The following CKAP5 variants were observed in gnomAD, a reference collection of about 807,000 sequenced individuals.
CKAP5 encodes cytoskeleton associated protein 5, also known as cytoskeleton-associated protein 5.
A neutral mutation model predicts 232.8 loss-of-function variants in CKAP5; 27 were observed. The ratio of observed to expected loss-of-function variants is 0.12; its 90% CI spans 0.09 to 0.16. CKAP5 has a LOEUF of 0.16. Ranked by LOEUF, CKAP5 falls within the 10% of genes least tolerant of loss-of-function variation. CKAP5 has a pLI of 1.00. For missense variants in CKAP5, 1,838 were observed against 2,424.7 expected (o/e 0.76, Z 5.08); for synonymous variants, 785 against 841.1 (o/e 0.93, Z 1.16).
intron 15 of CKAP5, 131 bp downstream of exon 15, chr11:46,789,945 C>T: frequency 1.8e-6 from 1 of 569,668 alleles, no homozygotes; most frequent in Non-Finnish European, 3.2e-6. Flanking sequence ...AGTCCCACCT[C>T]ATCTTTAATG....
In CKAP5 at chr11:46,747,704, A is replaced by G. The variant is rs140583746; in HGVS notation, c.5704+2570T>C. Among the ~76,000 whole-genome samples the G allele has an allele frequency of 2.8e-3, 421 of 152,142 alleles. 2 individuals carry two copies. The highest frequency in any genetic ancestry group is 9.6e-3 in the African/African-American group (398 of 41,534). ...CAAAGCCATCTAAGGAAGAGCATTTATGTGTAAGAAATAGCCAGTGCAAAG... is the reference window on the plus strand; with the variant it reads ...CAAAGCCATCTAAGGAAGAGCATTTGTGTGTAAGAAATAGCCAGTGCAAAG... On this transcript the variant is annotated intron_variant, in intron 42 of 43. Transcript: ENST00000529230.
At chr11:46,823,586 A>C (rs1939591721) in intron 1 of CKAP5, among the ~76,000 whole-genome samples, 1 of 151,950 alleles carries the variant, frequency 6.6e-6, no homozygotes. Flanking sequence ...AATTGTTTCC[A>C]ATTTTTCTTT....
In CKAP5 at chr11:46,788,777, G is replaced by T; in HGVS notation, c.1876-4C>A. On this transcript the variant is annotated splice_polypyrimidine_tract_variant and splice_region_variant and intron_variant, in intron 15 of 43. Coordinates refer to ENST00000529230, the MANE Select transcript of CKAP5 (RefSeq NM_001008938.4). The stretch of plus-strand genomic sequence containing the variant: ...TTCGGTCCATTAGCTCAACAGCCTT[G>T]AAGTAAAATAAGAGAATAAGAGTTT... The T allele has an allele frequency of 6.3e-7, 1 of 1,593,490 alleles. No homozygotes were observed. Among genetic ancestry groups the T allele is most frequent in the Non-Finnish European group, 8.6e-7 (1 of 1,167,518 alleles).
chr11:46,814,314 A>C (rs900038369), intron 4 of CKAP5, among the ~76,000 whole-genome samples: 3 of 152,136 alleles, frequency 2.0e-5, no homozygotes, highest in African/African-American at 7.2e-5. Context: ...ACTATATTGT[A>C]ATAGGCTAGA....
rs116374141 is a variant in CKAP5 at position 46,755,885 on chromosome 11, C to T, written c.4690-818G>A. On this transcript the variant is annotated intron_variant, in intron 35 of 43. Transcript: ENST00000529230. ...CGGAGGATGCAGTGAACCGAGATCACGACACTGAACTCCAGCCTGGGTGAC... is the reference window on the plus strand; with the variant it reads ...CGGAGGATGCAGTGAACCGAGATCATGACACTGAACTCCAGCCTGGGTGAC... Among the ~76,000 whole-genome samples the T allele has an allele frequency of 5.5e-3, 837 of 152,156 alleles. 7 individuals carry two copies. Among genetic ancestry groups the T allele is most frequent in the African/African-American group, 0.019 (808 of 41,488 alleles).
intron 42 of CKAP5, among the ~76,000 whole-genome samples, chr11:46,747,342 C>T (rs1460604280): frequency 6.6e-6 from 1 of 152,070 alleles, no homozygotes; most frequent in Non-Finnish European, 1.5e-5. Flanking sequence ...CACAGTGGCT[C>T]ATGCCTGGGA....
rs2065004548 is a variant in CKAP5, at chr11:46,744,054, CT to C, written c.6067del (p.Arg2023AspfsTer5). The C allele has an allele frequency of 1.2e-6, 2 of 1,613,466 alleles. No individual in the cohort carries two copies. The highest frequency in any genetic ancestry group is 1.7e-6 in the Non-Finnish European group (2 of 1,179,990). On this transcript the variant is annotated frameshift_variant, in exon 44 of 44. Coordinates refer to ENST00000529230, the MANE Select transcript of CKAP5 (RefSeq NM_001008938.4). LOFTEE classifies it high-confidence loss of function. ...STANIDDLKK[R>X]LERIKSSRK ...GCGACTGCTCTTTATTCTCTCCAGT[CT>C]TTTTTTCAAGTCGTCTATGTTAGCT...
At chr11:46,805,011 A>C (rs1939121870) in intron 8 of CKAP5, among the ~76,000 whole-genome samples, 1 of 151,692 alleles carries the variant, frequency 6.6e-6, no homozygotes, top group Non-Finnish European at 1.5e-5. Flanking sequence ...TGAGGCAGGC[A>C]AATCACTTGA....
chr11:46,811,239 C>A, intron 4 of CKAP5, 61 bp from the exon 5 acceptor site: 1 of 1,349,558 alleles, frequency 7.4e-7, no homozygotes, highest in Non-Finnish European at 1.0e-6. Flanking sequence ...AAAGCATTAG[C>A]TTTTCTTCAT....
At chr11:46,822,948 T>C (rs1939574397) in intron 1 of CKAP5, among the ~76,000 whole-genome samples, 1 of 152,130 alleles carries the variant, frequency 6.6e-6, no homozygotes, top group Non-Finnish European at 1.5e-5. Context: ...ATCCTTTTAA[T>C]AACTTTATGC....
chr11:46,780,716 G>A (rs905710102), intron 18 of CKAP5, among the ~76,000 whole-genome samples: 7 of 152,168 alleles, frequency 4.6e-5, no homozygotes, highest in Non-Finnish European at 4.4e-5. Flanking sequence ...TCTGGTTCAA[G>A]CGATTCTCAT....
At chr11:46,821,948 A>C (rs1219375313) in intron 1 of CKAP5, among the ~76,000 whole-genome samples, 1 of 152,212 alleles carries the variant, frequency 6.6e-6, no homozygotes, top group East Asian at 1.9e-4. Flanking sequence ...CTGAGACAGG[A>C]GAATCGCTTG....
chr11:46,762,488 A>ATGAAGTC, intron 31 of CKAP5, 139 bp downstream of exon 31: 1 of 1,089,402 alleles, frequency 9.2e-7, no homozygotes. Context: ...TGTGCAACTC[A>ATGAAGTC]TCACTCTCAC....
intron 13 of CKAP5, among the ~76,000 whole-genome samples, chr11:46,791,517 CA>C (rs1048357873): frequency 1.3e-5 from 2 of 151,644 alleles, no homozygotes. Flanking sequence ...ACAAAAAATA[CA>C]AAAAAATTAG....
At position 46,797,930 on chromosome 11, in the gene CKAP5, T is replaced by C. The variant is rs1365899130; in HGVS notation, c.1213A>G (p.Met405Val). ...QNISEDVLAV[M>V]DNKNPTIKQQ... ...TTGATGGTTGGATTTTTATTATCCATTACTGCTAAAACATCCTCACTGATG... is the reference window on the plus strand; with the variant it reads ...TTGATGGTTGGATTTTTATTATCCACTACTGCTAAAACATCCTCACTGATG... The change falls in exon 11 of 44, where the codon ATG (methionine) becomes GTG (valine). Residue 405 changes from methionine (M) to valine (V), a missense_variant. By Grantham distance (21) the Met-to-Val change is conservative. Transcript: ENST00000529230. The C allele has an allele frequency of 1.2e-6, 2 of 1,614,084 alleles. No individual in the cohort carries two copies. The highest frequency in any genetic ancestry group is 1.7e-6 in the Non-Finnish European group (2 of 1,180,012).
chr11:46,785,444 G>C (rs1335482203), intron 16 of CKAP5, among the ~76,000 whole-genome samples: 1 of 152,100 alleles, frequency 6.6e-6, no homozygotes, highest in African/African-American at 2.4e-5. Flanking sequence ...TCATGCCTCA[G>C]CCTCGCAAGT....
At chr11:46,782,838 T>C (rs541443638) in intron 18 of CKAP5, among the ~76,000 whole-genome samples, 165 of 152,374 alleles carry the variant, frequency 1.1e-3, no homozygotes, top group African/African-American at 3.6e-3. Flanking sequence ...AGTTTTGTTT[T>C]AAATAAACAA....
intron 17 of CKAP5, among the ~76,000 whole-genome samples, chr11:46,784,046 A>G (rs754143937): frequency 9.2e-5 from 14 of 151,708 alleles, no homozygotes; most frequent in Non-Finnish European, 1.3e-4. Flanking sequence ...ACTAGGCAAT[A>G]GAGTATTTTT....
intron 1 of CKAP5, among the ~76,000 whole-genome samples, chr11:46,840,281 T>C (rs563277948): frequency 1.6e-4 from 25 of 152,318 alleles, no homozygotes; most frequent in African/African-American, 6.0e-4. Flanking sequence ...TTTGCTACAG[T>C]AAATTGTTTG....
Sources: gnomAD v4.1 joint callset for allele counts (sites outside exome capture counted in the v4.1 genomes callset) on GRCh38, gnomAD v4.1.1 for gene constraint, MANE v1.5 for transcripts, NCBI Gene and HGNC (gene_info 2026-07-23, HGNC 2026-07-21) for gene names.